RNF38: variants seen among roughly 807,000 people sequenced by gnomAD.
RNF38 encodes E3 ubiquitin-protein ligase RNF38.
A neutral mutation model predicts 67.2 loss-of-function variants in RNF38; 15 were observed. That is an observed-to-expected ratio of 0.22 (90% confidence interval 0.15 to 0.34). The LOEUF is 0.34. Ranked by LOEUF, RNF38 falls within the 10% of genes least tolerant of loss-of-function variation. The probability of loss-of-function intolerance (pLI) is 1.00; values close to 1 mark genes in which losing one functional copy is unlikely to be tolerated. For missense variants in RNF38, 524 were observed against 639.9 expected (o/e 0.82, Z 1.95); for synonymous variants, 220 against 218.8 (o/e 1.01, Z -0.05).
In RNF38 at chr9:36,451,496, T is replaced by TTTTTTTGTTTG. The variant is rs1564068017; in HGVS notation, n.242-26814_242-26813insCAAACAAAAAA. Among the ~76,000 whole-genome samples, 205 of 125,418 alleles carry TTTTTTTGTTTG rather than the reference T, an allele frequency of 1.6e-3. 1 individual carries two copies. The highest frequency in any genetic ancestry group is 5.9e-3 in the African/African-American group (162 of 27,416). The allele number at this position is 125,418 out of a possible 152,430, so 82.3% of individuals were successfully genotyped here. ...AAGAAAAAAAAATTGTAGTAGTTTT[T>TTTTTTTGTTTG]TTTTTTTTTTTTTTTTTTTTTGAGA... On this transcript the variant is annotated intron_variant and non_coding_transcript_variant, in intron 1 of 3. Transcript: ENST00000488058.
chr9:36,411,059 C>A (rs1838311176), intron 2 of RNF38, among the ~76,000 whole-genome samples: 1 of 147,988 alleles, frequency 6.8e-6, no homozygotes, highest in South Asian at 2.1e-4. Context: ...TATTTTATTA[C>A]AGTAAAAAAT....
intron 2 of RNF38, among the ~76,000 whole-genome samples, chr9:36,420,672 A>G (rs913935283): frequency 3.3e-5 from 5 of 152,160 alleles, no homozygotes; most frequent in Non-Finnish European, 7.3e-5. Context: ...AGCAAGCTGC[A>G]TAAGAGCAAA....
chr9:36,465,253 C>T (rs1054519061), intron 1 of RNF38, among the ~76,000 whole-genome samples: 5 of 152,196 alleles, frequency 3.3e-5, no homozygotes, highest in African/African-American at 9.7e-5. Flanking sequence ...TAATTCTACT[C>T]CTACATAGGG....
At chr9:36,353,443 G>C (rs1410396219) in intron 6 of RNF38, 112 bp from the exon 7 acceptor site, 24 of 649,800 alleles carry the variant, frequency 3.7e-5, no homozygotes, top group Non-Finnish European at 5.2e-5. Context: ...ATGTCTTTAA[G>C]GCCATGCATC....
At chr9:36,487,574 G>A (rs1840450459), upstream of RNF38, 15 of 980,826 alleles carry the variant, frequency 1.5e-5, no homozygotes, top group Non-Finnish European at 1.7e-5. Flanking sequence ...GGGGCCGCGA[G>A]CAGCGGCTCC....
chr9:36,469,019 G>A (rs7468982), intron 1 of RNF38, among the ~76,000 whole-genome samples: 1 of 152,068 alleles, frequency 6.6e-6, no homozygotes, highest in South Asian at 2.1e-4. Context: ...GGCTGAGGCA[G>A]AAGAATTGCT....
intron 10 of RNF38, among the ~76,000 whole-genome samples, chr9:36,342,731 A>AC (rs930916594): frequency 3.9e-5 from 6 of 152,214 alleles, no homozygotes; most frequent in African/African-American, 1.4e-4. Context: ...GTGGACCCCT[A>AC]CCTCATACCA....
intron 9 of RNF38, among the ~76,000 whole-genome samples, chr9:36,349,735 A>G (rs973044749): frequency 1.3e-5 from 2 of 152,130 alleles, no homozygotes; most frequent in East Asian, 1.9e-4. Flanking sequence ...GTTTTCTTTC[A>G]GCACTTTTAT....
rs572524957 is a variant in RNF38, at chr9:36,417,001, C to T, written n.312+7612G>A. 1.8e-3 allele frequency among the ~76,000 whole-genome samples: 275 copies of T among 152,250 alleles called. 1 individual carries two copies. The highest frequency in any genetic ancestry group is 6.2e-3 in the African/African-American group (258 of 41,556). On this transcript the variant is annotated intron_variant and non_coding_transcript_variant, in intron 2 of 3. Coordinates refer to the RNF38 transcript ENST00000488058. ...TCCTGACTGCAGATGATCCACCCAC[C>T]TTGGCCTCCCAAAGTGCTGGGATTA...
In RNF38 at chr9:36,376,098, C is replaced by A. The variant is rs984668717; in HGVS notation, c.192G>T (p.Gln64His). Reference sequence around the variant, plus strand: ...AATCAAAGACTGAATGAGAGAGGCGCTGTCTCTTAGGACTTGGACTATCTT... The same window carrying A: ...AATCAAAGACTGAATGAGAGAGGCGATGTCTCTTAGGACTTGGACTATCTT... The part of the protein sequence containing the change: ...QSEDSPSPKR[Q>H]RLSHSVFDYT... The change falls in exon 3 of 12, where the codon CAG (glutamine) becomes CAT (histidine). Residue 64 changes from glutamine (Q) to histidine (H), a missense_variant. Physicochemically the swap from Gln to His is conservative, Grantham distance 24. Around this residue, in one of 2 missense-constraint regions of RNF38, gnomAD observed 461 missense variants for 517.4 expected, o/e 0.89. Coordinates refer to ENST00000259605, the MANE Select transcript of RNF38 (RefSeq NM_022781.5). The A allele has an allele frequency of 1.2e-6, 2 of 1,604,588 alleles. No homozygotes were observed. Among genetic ancestry groups the A allele is most frequent in the Non-Finnish European group, 1.7e-6 (2 of 1,176,920 alleles).
At chr9:36,397,876 T>C (rs1837656402) in intron 1 of RNF38, among the ~76,000 whole-genome samples, 1 of 152,166 alleles carries the variant, frequency 6.6e-6, no homozygotes, top group Admixed American at 6.5e-5. Flanking sequence ...CTTAGGTTGG[T>C]TACCACAAAG....
rs147975798 is a variant in RNF38, at chr9:36,352,837, T to C, written c.1083A>G (p.Pro361=). ...QEVSFGVPYP[P]FMPRRLTGRS... ...GTCCTGTAAGCCTCCGAGGCATAAA[T>C]GGAGGATAAGGCTGCAAGGGGAAAA... The change falls in exon 8 of 12, where the codon CCA becomes CCG. Residue 361 remains proline, a synonymous_variant. Transcript: ENST00000259605. 6.8e-6 allele frequency: 11 copies of C among 1,612,596 alleles called. No individual in the cohort carries two copies. The Admixed American group carries it at 1.5e-4, about 22-fold the overall frequency.
At chr9:36,470,864 A>G (rs143152368) in intron 1 of RNF38, among the ~76,000 whole-genome samples, 1,685 of 152,094 alleles carry the variant, frequency 0.011, 28 homozygotes, top group African/African-American at 0.038. Flanking sequence ...CCTCCCTCAA[A>G]GACTCATAGA....
intron 3 of RNF38, chr9:36,372,671 A>G: frequency 1.7e-6 from 1 of 580,724 alleles, no homozygotes; most frequent in South Asian, 2.2e-5. Flanking sequence ...GCCAGTTTTC[A>G]GGGTGGTAAA....
At chr9:36,365,476 G>C (rs778698244) in intron 4 of RNF38, among the ~76,000 whole-genome samples, 1 of 152,128 alleles carries the variant, frequency 6.6e-6, no homozygotes, top group Non-Finnish European at 1.5e-5. Flanking sequence ...GCTGAGGCAG[G>C]AGAATCGCTT....
At chr9:36,400,902 CCGCCCCGCCGCGCCCCGCCG>C, upstream of RNF38, 1 of 932,620 alleles carries the variant, frequency 1.1e-6, no homozygotes, top group African/African-American at 1.8e-5. Context: ...ACGCCCCTCC[CCGCCCCGCCGCGCCCCGCCG>C]CACCCCGCCT....
At chr9:36,402,529 A>T (rs7029289), upstream of RNF38, among the ~76,000 whole-genome samples, 1 of 151,804 alleles carries the variant, frequency 6.6e-6, no homozygotes, top group Non-Finnish European at 1.5e-5. Context: ...TACAGAACGC[A>T]GACCACCCTG....
At chr9:36,350,965 G>C (rs969815089) in intron 9 of RNF38, 150 bp downstream of exon 9, 4 of 631,186 alleles carry the variant, frequency 6.3e-6, no homozygotes, top group Non-Finnish European at 1.1e-5. Flanking sequence ...TAGTATTAGT[G>C]TATCTTATGT....
chr9:36,480,540 TTC>T (rs974421798), intron 1 of RNF38, among the ~76,000 whole-genome samples: 3 of 127,812 alleles, frequency 2.3e-5, no homozygotes, highest in African/African-American at 8.6e-5. Flanking sequence ...TACAGTTTTT[TTC>T]TTTTTCTTTT....
Sources: gnomAD v4.1 joint callset for allele counts (sites outside exome capture counted in the v4.1 genomes callset) on GRCh38, gnomAD v4.1.1 for gene constraint, gnomAD v4.1.1 regional missense constraint, MANE v1.5 for transcripts, NCBI Gene and HGNC (gene_info 2026-07-23, HGNC 2026-07-21) for gene names.